The following TINAG variants were observed in gnomAD, a reference collection of about 807,000 sequenced individuals.
TINAG encodes tubulointerstitial nephritis antigen.
Under a neutral mutation model 72.7 loss-of-function variants are expected in TINAG, and 83 were observed. The ratio of observed to expected loss-of-function variants is 1.14; its 90% CI spans 0.96 to 1.37. The LOEUF (loss-of-function observed/expected upper bound fraction) is 1.37. Ranked by LOEUF, TINAG falls within the 40% of genes most tolerant of loss-of-function variation. TINAG has a pLI of 0.00. For synonymous variants in TINAG, 234 were observed against 189.9 expected, an observed-to-expected ratio of 1.23 and a Z score of -1.91; for missense variants, 685 against 576.6, an observed-to-expected ratio of 1.19 and a Z score of -1.93.
chr6:54,359,379 A>G (rs1763156616), intron 9 of TINAG, among the ~76,000 whole-genome samples: 1 of 151,806 alleles, frequency 6.6e-6, no homozygotes, highest in Admixed American at 6.6e-5. Flanking sequence ...TAGGTAATTG[A>G]CTTATACTTT....
At chr6:54,316,664 CT>C (rs1384681578) in intron 1 of TINAG, among the ~76,000 whole-genome samples, 1 of 152,058 alleles carries the variant, frequency 6.6e-6, no homozygotes, top group African/African-American at 2.4e-5. Context: ...ATGTCATTAT[CT>C]TTTTGCAATT....
chr6:54,316,740 A>G (rs1360320655), intron 1 of TINAG, among the ~76,000 whole-genome samples: 1 of 152,198 alleles, frequency 6.6e-6, no homozygotes, highest in Non-Finnish European at 1.5e-5. Flanking sequence ...TTTTAAAATA[A>G]ATTATAGACA....
chr6:54,322,301 C>A (rs1455884740), intron 3 of TINAG, among the ~76,000 whole-genome samples: 2 of 151,424 alleles, frequency 1.3e-5, no homozygotes, highest in East Asian at 3.9e-4. Context: ...GGGGGTGAAA[C>A]CCTGTCAAAA....
At chr6:54,379,386 A>C (rs1415892324) in intron 9 of TINAG, among the ~76,000 whole-genome samples, 1 of 152,182 alleles carries the variant, frequency 6.6e-6, no homozygotes, top group African/African-American at 2.4e-5. Context: ...CGCTGGATTT[A>C]ATCATGAAGA....
intron 10 of TINAG, 121 bp from the exon 11 acceptor site, chr6:54,389,670 T>G: frequency 8.1e-7 from 1 of 1,234,862 alleles, no homozygotes; most frequent in Non-Finnish European, 1.1e-6. Context: ...GGTAAGTTCT[T>G]GATAATTATA....
chr6:54,312,685 A>T (rs1250005999), intron 1 of TINAG, among the ~76,000 whole-genome samples: 1 of 152,190 alleles, frequency 6.6e-6, no homozygotes. Flanking sequence ...GCCAACAGAA[A>T]ATAGCATTAA....
intron 10 of TINAG, among the ~76,000 whole-genome samples, chr6:54,384,446 A>G (rs1260986810): frequency 6.6e-6 from 1 of 152,164 alleles, no homozygotes; most frequent in Admixed American, 6.6e-5. Context: ...AAAAATAGAA[A>G]TTTAAAAAGT....
chr6:54,380,892 A>G lies in TINAG; in HGVS notation c.1296+321A>G, dbSNP rs182769997. ...GATCAAACTTCCCTCATATATATTT[A>G]TATGGCAATGAACTTGATGCTTTTG... On this transcript the variant is annotated intron_variant, in intron 10 of 10. Coordinates refer to ENST00000259782, the MANE Select transcript of TINAG (RefSeq NM_014464.4). Among the ~76,000 whole-genome samples the G allele has an allele frequency of 6.0e-5, 9 of 150,514 alleles. No individual in the cohort carries two copies. In the East Asian group the frequency reaches 1.6e-3, roughly 26 times the overall value.
chr6:54,354,397 C>T, intron 8 of TINAG, 116 bp from the exon 9 acceptor site: 1 of 921,690 alleles, frequency 1.1e-6, no homozygotes, highest in Non-Finnish European at 1.6e-6. Flanking sequence ...CACACAGCCC[C>T]TTCTTAGATT....
At chr6:54,347,857 G>A (rs1387231707) in intron 6 of TINAG, among the ~76,000 whole-genome samples, 10 of 152,046 alleles carry the variant, frequency 6.6e-5, no homozygotes, top group Non-Finnish European at 1.5e-4. Context: ...TCTCTCTGCT[G>A]TGCTTTTCAG....
intron 1 of TINAG, among the ~76,000 whole-genome samples, chr6:54,310,893 C>A (rs1784239447): frequency 1.7e-5 from 1 of 57,504 alleles, no homozygotes; most frequent in Admixed American, 1.4e-4. Flanking sequence ...CTCTCTATTT[C>A]TCTCCCTCTT....
chr6:54,311,506 A>C (rs967040826), intron 1 of TINAG, among the ~76,000 whole-genome samples: 2 of 152,210 alleles, frequency 1.3e-5, no homozygotes, highest in Non-Finnish European at 2.9e-5. Context: ...CCCTAGTACT[A>C]TACGGGGACA....
intron 9 of TINAG, chr6:54,365,636 C>A (rs1763384829): frequency 1.3e-5 from 2 of 151,576 alleles, no homozygotes; most frequent in South Asian, 4.1e-4. Context: ...CATTCAATGG[C>A]TCCACCCAAA....
chr6:54,326,266 T>A (rs1359727739), intron 3 of TINAG, among the ~76,000 whole-genome samples: 1 of 151,894 alleles, frequency 6.6e-6, no homozygotes, highest in African/African-American at 2.4e-5. Context: ...AATGAACTCA[T>A]TTAATATATA....
rs116114901 is a variant in TINAG, at chr6:54,377,443, C to T, written c.1251-3083C>T. Among the ~76,000 whole-genome samples, 631 of 152,006 alleles carry T rather than the reference C, an allele frequency of 4.2e-3. 2 individuals are homozygous for T. Among genetic ancestry groups the T allele is most frequent in the African/African-American group, 0.014 (580 of 41,462 alleles). On this transcript the variant is annotated intron_variant, in intron 9 of 10. Coordinates refer to ENST00000259782, the MANE Select transcript of TINAG (RefSeq NM_014464.4). ...AGGAGAATCGCTGGAACCTGGGAGG[C>T]GGAGTTTGCTATGAGCCGATACTGT...
intron 1 of TINAG, among the ~76,000 whole-genome samples, chr6:54,315,755 G>C (rs1784359111): frequency 6.6e-6 from 1 of 152,030 alleles, no homozygotes; most frequent in Non-Finnish European, 1.5e-5. Context: ...AGCTCGAGTG[G>C]ATTTTCTAGA....
chr6:54,338,917 T>G (rs1784933210), intron 4 of TINAG, among the ~76,000 whole-genome samples: 1 of 152,108 alleles, frequency 6.6e-6, no homozygotes, highest in Non-Finnish European at 1.5e-5. Context: ...AAAATCTAAT[T>G]TTCAAAACCG....
At chr6:54,330,167 C>T (rs1466919643) in intron 4 of TINAG, among the ~76,000 whole-genome samples, 1 of 152,156 alleles carries the variant, frequency 6.6e-6, no homozygotes, top group African/African-American at 2.4e-5. Flanking sequence ...ACAGAATATA[C>T]AATCTTCTCA....
At chr6:54,320,736 T>G in intron 2 of TINAG, 94 bp downstream of exon 2, 1 of 971,828 alleles carries the variant, frequency 1.0e-6, no homozygotes, top group Non-Finnish European at 1.5e-6. Flanking sequence ...TATACATTTA[T>G]GTACATATAG....
Sources: allele counts gnomAD v4.1 joint callset (sites outside exome capture counted in the v4.1 genomes callset), GRCh38; gene constraint gnomAD v4.1.1; transcripts MANE v1.5; gene names NCBI Gene and HGNC (gene_info 2026-07-23, HGNC 2026-07-21).